Variants in CDH26 observed in about 807,000 individuals in gnomAD.
CDH26 encodes cadherin 26.
A neutral mutation model predicts 90.3 loss-of-function variants in CDH26; 83 were observed. The observed-to-expected ratio is 0.92, with a 90% CI of 0.77 to 1.10. The LOEUF is 1.10. Among genes scored for constraint, CDH26 ranks in the 50% least tolerant of loss-of-function variants. CDH26 has a pLI of 0.00. For synonymous variants in CDH26, 397 were observed against 396.3 expected (o/e 1.00, Z -0.02); for missense variants, 1,013 against 1,037.6 (o/e 0.98, Z 0.33).
At chr20:59,996,848 A>C in intron 13 of CDH26, 87 bp downstream of exon 13, 1 of 1,541,594 alleles carries the variant, frequency 6.5e-7, no homozygotes, top group Non-Finnish European at 8.9e-7. Flanking sequence ...CCATTGTGCC[A>C]CCTCTTAATT....
intron 15 of CDH26, among the ~76,000 whole-genome samples, 197 bp from the exon 16 acceptor site, chr20:60,002,616 A>C (rs10485464): frequency 0.06 from 9,080 of 152,076 alleles, 628 homozygotes; most frequent in African/African-American, 0.17. Context: ...TGCAAATCTA[A>C]TATTCTCATG....
At chr20:59,988,254 C>T (rs549795035) in intron 8 of CDH26, among the ~76,000 whole-genome samples, 4 of 152,300 alleles carry the variant, frequency 2.6e-5, no homozygotes, top group African/African-American at 7.2e-5. Flanking sequence ...AGTCTGACCC[C>T]AGTGCCTCTA....
chr20:59,960,935 A>C (rs181127042), intron 1 of CDH26, among the ~76,000 whole-genome samples: 37 of 152,352 alleles, frequency 2.4e-4, no homozygotes, highest in Admixed American at 1.2e-3. Context: ...TGGGCCAGGC[A>C]CTGGGAATAC....
intron 4 of CDH26, among the ~76,000 whole-genome samples, chr20:59,975,376 G>A (rs1281255668): frequency 6.6e-6 from 1 of 152,140 alleles, no homozygotes; most frequent in Non-Finnish European, 1.5e-5. Context: ...GCAACCACCC[G>A]AAGCCAGGAG....
intron 4 of CDH26, among the ~76,000 whole-genome samples, chr20:59,976,360 G>A (rs1166955210): frequency 6.6e-6 from 1 of 152,184 alleles, no homozygotes; most frequent in Non-Finnish European, 1.5e-5. Flanking sequence ...CGAATCCCTA[G>A]AAATTCTTAG....
At chr20:59,960,490 T>C (rs1444092991) in intron 1 of CDH26, among the ~76,000 whole-genome samples, 6 of 152,050 alleles carry the variant, frequency 3.9e-5, no homozygotes, top group Non-Finnish European at 7.4e-5. Flanking sequence ...GTAGGCTTGA[T>C]AACTAAAACT....
chr20:59,975,479 T>C (rs760090394), intron 4 of CDH26, among the ~76,000 whole-genome samples: 2 of 152,118 alleles, frequency 1.3e-5, no homozygotes, highest in Non-Finnish European at 2.9e-5. Context: ...TGTGAGAGAA[T>C]AAGTTCCTAG....
chr20:59,999,472 G>A, intron 13 of CDH26, 114 bp from the exon 14 acceptor site: 1 of 810,616 alleles, frequency 1.2e-6, no homozygotes, highest in Non-Finnish European at 2.0e-6. Context: ...GACTTCTTCT[G>A]TGATGGCATA....
chr20:59,970,225 C>T (rs1333154234), intron 3 of CDH26, 39 bp downstream of exon 3: 2 of 1,604,256 alleles, frequency 1.2e-6, no homozygotes, highest in East Asian at 2.2e-5. Context: ...CCATCATGCC[C>T]TCTAAGTAAG....
chr20:60,004,437 A>G (rs1269133098), intron 16 of CDH26, among the ~76,000 whole-genome samples: 3 of 152,072 alleles, frequency 2.0e-5, no homozygotes, highest in Non-Finnish European at 4.4e-5. Flanking sequence ...TGTACTGAAT[A>G]CTGTAGGCAA....
intron 1 of CDH26, among the ~76,000 whole-genome samples, chr20:59,961,919 C>G (rs148925129): frequency 6.6e-6 from 1 of 152,142 alleles, no homozygotes; most frequent in African/African-American, 2.4e-5. Flanking sequence ...TGAGAAAAGC[C>G]ACTTATGATT....
At chr20:59,975,504 G>T (rs183178639) in intron 4 of CDH26, among the ~76,000 whole-genome samples, 1 of 152,138 alleles carries the variant, frequency 6.6e-6, no homozygotes, top group Admixed American at 6.5e-5. Context: ...AGCCATGGGG[G>T]TCTATGGTAT....
At chr20:59,966,026 G>A (rs1201264294) in intron 1 of CDH26, among the ~76,000 whole-genome samples, 4 of 151,986 alleles carry the variant, frequency 2.6e-5, no homozygotes, top group Admixed American at 6.6e-5. Context: ...AAGCTTTCAT[G>A]CTTATATTGG....
intron 8 of CDH26, among the ~76,000 whole-genome samples, chr20:59,988,533 A>G (rs1038331991): frequency 6.6e-6 from 1 of 152,206 alleles, no homozygotes; most frequent in Non-Finnish European, 1.5e-5. Flanking sequence ...TCAACTGACC[A>G]CTTTGTACCC....
At chr20:60,020,628 C>T (rs988969717) in intron 7 of CDH26, among the ~76,000 whole-genome samples, 1 of 152,134 alleles carries the variant, frequency 6.6e-6, no homozygotes, top group East Asian at 1.9e-4. Context: ...GGTACAGTTG[C>T]GACTGATCTC....
At chr20:60,003,226 A>T (rs1342734080) in intron 16 of CDH26, among the ~76,000 whole-genome samples, 1 of 152,142 alleles carries the variant, frequency 6.6e-6, no homozygotes, top group East Asian at 1.9e-4. Context: ...TTTTCTAAAT[A>T]TGTTTTGCAC....
chr20:59,983,773 G>A (rs1021354020), intron 5 of CDH26, among the ~76,000 whole-genome samples: 5 of 151,988 alleles, frequency 3.3e-5, no homozygotes, highest in African/African-American at 9.7e-5. Flanking sequence ...CATTGTATAT[G>A]CGTATATGGT....
intron 7 of CDH26, among the ~76,000 whole-genome samples, chr20:60,023,959 G>A (rs1336225330): frequency 1.6e-5 from 2 of 124,230 alleles, no homozygotes; most frequent in African/African-American, 3.1e-5. Flanking sequence ...TGCTGACAGA[G>A]GGAGAGAGAG....
At chr20:60,031,651 T>C (rs112819719) in intron 8 of CDH26, among the ~76,000 whole-genome samples, 2,851 of 152,336 alleles carry the variant, frequency 0.019, 41 homozygotes, top group South Asian at 0.07. Flanking sequence ...TGATTGGCTT[T>C]GTGTGATGTG....
Sources: allele counts gnomAD v4.1 joint callset (sites outside exome capture counted in the v4.1 genomes callset), GRCh38; gene constraint gnomAD v4.1.1; transcripts MANE v1.5; gene names NCBI Gene and HGNC (gene_info 2026-07-23, HGNC 2026-07-21).